Variants in CHCHD3 observed in about 807,000 individuals in gnomAD.
CHCHD3 encodes MICOS complex subunit MIC19.
Under a neutral mutation model 38.2 loss-of-function variants are expected in CHCHD3, and 20 were observed. The ratio of observed to expected loss-of-function variants is 0.52; its 90% CI spans 0.37 to 0.76. CHCHD3 has a LOEUF of 0.76. Ranked by LOEUF, CHCHD3 falls within the 30% of genes least tolerant of loss-of-function variation. The pLI is 0.00. For synonymous variants in CHCHD3, 82 were observed against 100.0 expected (o/e 0.82, Z 1.07); for missense variants, 245 against 279.2 (o/e 0.88, Z 0.87).
At position 133,035,971 on chromosome 7, in the gene CHCHD3, A is replaced by AGG. The variant is rs1488011884; in HGVS notation, c.170-11346_170-11345dup. On this transcript the variant is annotated intron_variant, in intron 2 of 7. Coordinates refer to ENST00000262570, the MANE Select transcript of CHCHD3 (RefSeq NM_017812.4). The surrounding 1 kb of genome is among the most constrained non-coding windows in gnomAD (Gnocchi z 4.7). ...TCCAGTCTTAAAAGTGTTATCAGGT[A>AGG]GGGGTCCTTAGGGGAACTGTTTTAA... 1.7e-6 allele frequency: 2 copies of AGG among 1,189,128 alleles called. No homozygotes were observed. The highest frequency in any genetic ancestry group is 3.0e-5 in the African/African-American group (2 of 66,118). 73.7% of individuals were successfully genotyped at this position (1,189,128 alleles called of 1,614,324 possible). A position where few individuals can be genotyped will look rare whatever the true frequency, so the allele number is the denominator to read the frequency against.
At chr7:132,988,868 A>G (rs1055677027) in intron 3 of CHCHD3, among the ~76,000 whole-genome samples, 1 of 152,100 alleles carries the variant, frequency 6.6e-6, no homozygotes, top group African/African-American at 2.4e-5. Context: ...GCACTGAGCT[A>G]TGATCACAGC....
chr7:132,936,360 G>C (rs1481762620), intron 4 of CHCHD3, among the ~76,000 whole-genome samples: 2 of 152,158 alleles, frequency 1.3e-5, no homozygotes, highest in Admixed American at 1.3e-4. Flanking sequence ...TCTAATTCTG[G>C]AAGAGTCCAT....
intron 4 of CHCHD3, among the ~76,000 whole-genome samples, chr7:132,893,077 C>A (rs1225291300): frequency 3.9e-5 from 6 of 152,192 alleles, no homozygotes; most frequent in African/African-American, 1.2e-4. Flanking sequence ...AATGGTAGAT[C>A]CACTGACAGC....
At chr7:133,024,812 T>C (rs1813291851) in intron 2 of CHCHD3, among the ~76,000 whole-genome samples, 185 bp from the exon 3 acceptor site, 1 of 152,188 alleles carries the variant, frequency 6.6e-6, no homozygotes, top group South Asian at 2.1e-4. Context: ...TCAGGAGTAA[T>C]TTAATCAAGA....
intron 4 of CHCHD3, among the ~76,000 whole-genome samples, chr7:132,907,820 C>T (rs540325850): frequency 6.6e-6 from 1 of 152,134 alleles, no homozygotes; most frequent in South Asian, 2.1e-4. Context: ...ATAACAGGAC[C>T]TGCATGTGCT....
At chr7:132,874,585 G>A (rs2117155740) in intron 5 of CHCHD3, among the ~76,000 whole-genome samples, 1 of 72,528 alleles carries the variant, frequency 1.4e-5, no homozygotes, top group Non-Finnish European at 3.8e-5. Flanking sequence ...GAATATTCTG[G>A]TTCAGACTTT....
chr7:132,927,221 A>G (rs375002553), intron 4 of CHCHD3, among the ~76,000 whole-genome samples: 2 of 152,222 alleles, frequency 1.3e-5, no homozygotes, highest in African/African-American at 4.8e-5. Context: ...AAAACCATAA[A>G]TGTTCTACAA....
intron 5 of CHCHD3, among the ~76,000 whole-genome samples, chr7:132,843,985 T>G (rs1416960255): frequency 1.3e-5 from 2 of 152,184 alleles, no homozygotes. Flanking sequence ...TCCATTAAGA[T>G]GACCTTAAAA....
At chr7:133,060,999 G>A (rs762281345) in intron 2 of CHCHD3, among the ~76,000 whole-genome samples, 5 of 152,130 alleles carry the variant, frequency 3.3e-5, no homozygotes, top group Non-Finnish European at 7.3e-5. Context: ...ACAGACAAAG[G>A]TCTGTCTGCC....
chr7:132,984,220 G>A (rs867192846), intron 3 of CHCHD3, among the ~76,000 whole-genome samples: 129 of 151,746 alleles, frequency 8.5e-4, no homozygotes, highest in Middle Eastern at 3.4e-3. Flanking sequence ...ACGGCGCCAC[G>A]CCTGACTGGT....
chr7:132,997,498 T>C (rs547329665), intron 3 of CHCHD3, among the ~76,000 whole-genome samples: 1 of 152,240 alleles, frequency 6.6e-6, no homozygotes, highest in South Asian at 2.1e-4. Flanking sequence ...TTTTACACTT[T>C]CTACTATTTG....
At chr7:132,880,566 G>A (rs1410204197) in intron 5 of CHCHD3, among the ~76,000 whole-genome samples, 1 of 152,068 alleles carries the variant, frequency 6.6e-6, no homozygotes, top group East Asian at 1.9e-4. Context: ...TATAAGCTTA[G>A]AAAATCTAGG....
intron 4 of CHCHD3, among the ~76,000 whole-genome samples, chr7:132,898,708 G>C (rs1237268915): frequency 6.6e-6 from 1 of 152,262 alleles, no homozygotes; most frequent in Non-Finnish European, 1.5e-5. Flanking sequence ...GGAGCGGGTG[G>C]GAGGCTCACG....
At chr7:133,048,202 T>C (rs1193341701) in intron 2 of CHCHD3, among the ~76,000 whole-genome samples, 5 of 151,908 alleles carry the variant, frequency 3.3e-5, no homozygotes, top group Non-Finnish European at 1.5e-5. Context: ...AGCCATGAGC[T>C]GTGGGGATAA....
chr7:132,957,274 T>G (rs1811200644), intron 4 of CHCHD3, among the ~76,000 whole-genome samples: 1 of 152,124 alleles, frequency 6.6e-6, no homozygotes, highest in South Asian at 2.1e-4. Flanking sequence ...AGAAGTACAG[T>G]GATTGTGCAA....
intron 3 of CHCHD3, among the ~76,000 whole-genome samples, chr7:133,000,026 T>C (rs1163562118): frequency 6.6e-6 from 1 of 152,198 alleles, no homozygotes; most frequent in African/African-American, 2.4e-5. Context: ...AATTCACCTA[T>C]CTCACTTTTA....
At chr7:132,956,924 C>G (rs115480391) in intron 4 of CHCHD3, among the ~76,000 whole-genome samples, 1 of 152,188 alleles carries the variant, frequency 6.6e-6, no homozygotes, top group African/African-American at 2.4e-5. Flanking sequence ...ATATACATCT[C>G]CATGCCTCTT....
intron 4 of CHCHD3, among the ~76,000 whole-genome samples, chr7:132,931,449 A>C (rs1415179791): frequency 1.3e-5 from 2 of 152,252 alleles, no homozygotes; most frequent in Non-Finnish European, 2.9e-5. Flanking sequence ...CAACAAAAAC[A>C]TGAAAGTGGT....
chr7:132,860,089 G>T (rs1372337058), intron 5 of CHCHD3, among the ~76,000 whole-genome samples: 3 of 152,032 alleles, frequency 2.0e-5, no homozygotes, highest in African/African-American at 7.2e-5. Context: ...TAGGTAACAT[G>T]GCAAAACCAT....
Sources: allele counts gnomAD v4.1 joint callset (sites outside exome capture counted in the v4.1 genomes callset), GRCh38; gene constraint gnomAD v4.1.1; non-coding constraint Gnocchi (gnomAD v3.1); transcripts MANE v1.5; gene names NCBI Gene and HGNC (gene_info 2026-07-23, HGNC 2026-07-21).